The following RAD9A variants were observed in gnomAD, a reference collection of about 807,000 sequenced individuals.
RAD9A encodes cell cycle checkpoint control protein RAD9A.
Under a neutral mutation model 41.2 loss-of-function variants are expected in RAD9A, and 25 were observed. That is an observed-to-expected ratio of 0.61 (90% confidence interval 0.44 to 0.85). The LOEUF (loss-of-function observed/expected upper bound fraction) is 0.85, where lower values mean the gene tolerates loss of function less well. RAD9A is among the 40% of genes least tolerant of loss of function. The pLI is 0.00. For synonymous variants in RAD9A, 252 were observed against 210.6 expected (o/e 1.20, Z -1.70); for missense variants, 514 against 518.3 (o/e 0.99, Z 0.08).
Position 67,392,238 on chromosome 11 carries a change from G to A in RAD9A, c.105+7G>A, listed in dbSNP as rs1303241727. 4.4e-6 allele frequency: 7 copies of A among 1,585,128 alleles called. No individual in the cohort carries two copies. In the African/African-American group the frequency reaches 8.1e-5, roughly 18 times the overall value. On this transcript the variant is annotated splice_region_variant and intron_variant, in intron 2 of 10. Coordinates refer to ENST00000307980, the MANE Select transcript of RAD9A (RefSeq NM_004584.3). ...GGAACCCTTGGAGGACGGGGTGAGG[G>A]GCTAGGGTGTGGGGGGCGGGTGGGA...
chr11:67,392,618 CT>C lies in RAD9A; in HGVS notation c.106-35del, dbSNP rs1862558846. On this transcript the variant is annotated intron_variant, in intron 2 of 10. Coordinates refer to ENST00000307980, the MANE Select transcript of RAD9A (RefSeq NM_004584.3). ...AGAGGGCTGGGTCTGTGGCTGCCCCCTGACCACGTCCCTCTCCCTGCTCTTC... is the reference window on the plus strand; with the variant it reads ...AGAGGGCTGGGTCTGTGGCTGCCCCCGACCACGTCCCTCTCCCTGCTCTTC... 3.7e-6 allele frequency: 6 copies of C among 1,611,370 alleles called. No homozygotes were observed. The East Asian group carries it at 6.7e-5, about 18-fold the overall frequency.
Position 67,397,507 on chromosome 11 carries a change from C to A in RAD9A, c.1124C>A (p.Ser375Tyr), listed in dbSNP as rs1565119294. 4.3e-6 allele frequency: 7 copies of A among 1,611,392 alleles called. No individual in the cohort carries two copies. Among genetic ancestry groups the A allele is most frequent in the Non-Finnish European group, 5.9e-6 (7 of 1,178,328 alleles). Residue 375 changes from serine to tyrosine, a missense_variant, in exon 11 of 11, where the codon TCC (serine) becomes TAC (tyrosine). Ser to Tyr is a moderately radical substitution (Grantham distance 144, BLOSUM62 -2). This residue lies in a region of RAD9A where 216 missense variants were observed against 184.2 expected (regional missense o/e 1.17). Transcript: ENST00000307980. ...FFGSILAPVR[S>Y]PQGPSPVLAE... ...GGCTCCATCCTGGCCCCTGTACGCT[C>A]CCCCCAGGGCCCCAGCCCTGTGCTG...
rs1862750610 is a variant in RAD9A, at chr11:67,397,548, G to C, written c.1165G>C (p.Gly389Arg). Residue 389 changes from glycine (G) to arginine (R), a missense_variant, in exon 11 of 11, where the codon GGT becomes CGT. Transcript: ENST00000307980. Reference protein sequence around the residue: ...PSPVLAEDSEGEG With the variant: ...PSPVLAEDSEREG ...CCCTGTGCTGGCGGAAGACAGTGAG[G>C]GTGAAGGCTGAACCAAGAACCTGAA... 6.2e-7 allele frequency: 1 copy of C among 1,605,636 alleles called. No individual in the cohort carries two copies.
chr11:67,392,555 G>T, intron 2 of RAD9A, 99 bp from the exon 3 acceptor site: 1 of 1,486,236 alleles, frequency 6.7e-7, no homozygotes. Flanking sequence ...GTGGCGGAGC[G>T]GGAGGACGAT....
In RAD9A at chr11:67,393,600, T is replaced by C. The variant is rs1488749727; in HGVS notation, c.339T>C (p.His113=). ...GRSSRLVVQL[H]CKFGVRKTHN... ...GCAGCCGCCTGGTGGTCCAGCTGCA[T>C]TGCAAGTTCGGTGAGTGGGCAGCCG... Residue 113 remains histidine (H), a synonymous_variant, in exon 4 of 11, where the codon CAT becomes CAC. Coordinates refer to ENST00000307980, the MANE Select transcript of RAD9A (RefSeq NM_004584.3). 1.9e-6 allele frequency: 3 copies of C among 1,614,056 alleles called. No individual in the cohort carries two copies. Among genetic ancestry groups the C allele is most frequent in the East Asian group, 4.5e-5 (2 of 44,892 alleles).
chr11:67,396,728 TG>T (rs1862712302), intron 9 of RAD9A, among the ~76,000 whole-genome samples: 2 of 152,144 alleles, frequency 1.3e-5, no homozygotes, highest in Admixed American at 1.3e-4. Context: ...CTGCCTGGGC[TG>T]GGGGAAGCAG....
intron 9 of RAD9A, among the ~76,000 whole-genome samples, chr11:67,396,935 G>A (rs1410716398): frequency 6.6e-6 from 1 of 152,166 alleles, no homozygotes; most frequent in Non-Finnish European, 1.5e-5. Flanking sequence ...CTGAGCTAAG[G>A]TAGCCCCCGG....
At position 67,392,071 on chromosome 11, in the gene RAD9A, C is replaced by T; in HGVS notation, c.27C>T (p.Asn9=). ...TGAAGTGCCTGGTCACGGGCGGCAA[C>T]GTGAAGGGTGAGTGCAGGTCGGCCT... is the stretch of plus-strand genomic sequence containing the variant. The part of the protein sequence containing the change: MKCLVTGG[N]VKVLGKAVHS... The change falls in exon 1 of 11, where the codon AAC becomes AAT. Residue 9 remains asparagine, a synonymous_variant. Transcript: ENST00000307980. 1 of 1,589,878 alleles carries T rather than the reference C, an allele frequency of 6.3e-7. No homozygotes were observed. The highest frequency in any genetic ancestry group is 8.5e-7 in the Non-Finnish European group (1 of 1,169,772).
chr11:67,393,657 G>A (rs375977936), intron 4 of RAD9A, 34 bp from the exon 5 acceptor site: 16 of 1,612,812 alleles, frequency 9.9e-6, no homozygotes, highest in Admixed American at 1.7e-5. Context: ...CAGGGAGGTC[G>A]GCGAGGCCCA....
At chr11:67,392,258 G>GGGGGGGT in intron 2 of RAD9A, 27 bp downstream of exon 2, 4 of 1,319,216 alleles carry the variant, frequency 3.0e-6, no homozygotes, top group East Asian at 2.4e-5. Flanking sequence ...TGGGGGGCGG[G>GGGGGGGT]TGGGACTCCA....
intron 3 of RAD9A, chr11:67,393,131 T>G (rs1469901374): frequency 9.7e-6 from 4 of 411,792 alleles, no homozygotes; most frequent in African/African-American, 6.2e-5. Flanking sequence ...AATACAAAAA[T>G]TAGCTGGGCG....
In RAD9A at chr11:67,396,371, C is replaced by G. The variant is rs1862695858; in HGVS notation, c.843C>G (p.His281Gln). 1.9e-6 allele frequency: 3 copies of G among 1,613,976 alleles called. No homozygotes were observed. In the Middle Eastern group the frequency reaches 4.9e-4, roughly 266 times the overall value. ...HSQDLGSPER[H>Q]QPVPQLQAHS... ...AGGACCTGGGCTCCCCAGAGCGTCACCAGCCAGTGCCTCAGCTCCAGGCTC... is the reference window on the plus strand; with the variant it reads ...AGGACCTGGGCTCCCCAGAGCGTCAGCAGCCAGTGCCTCAGCTCCAGGCTC... The change falls in exon 9 of 11, where the codon CAC (histidine) becomes CAG (glutamine). Residue 281 changes from histidine to glutamine, a missense_variant. His to Gln is a conservative substitution (Grantham distance 24). Around this residue, in one of 3 missense-constraint regions of RAD9A, gnomAD observed 216 missense variants for 184.2 expected, o/e 1.17. Coordinates refer to ENST00000307980, the MANE Select transcript of RAD9A (RefSeq NM_004584.3).
chr11:67,392,248 T>TGGGGGGG lies in RAD9A; in HGVS notation c.105+23_105+24insGGGGGGG, dbSNP rs1300127082. Reference sequence around the variant, plus strand: ...GAGGACGGGGTGAGGGGCTAGGGTGTGGGGGGCGGGTGGGACTCCAGCCGG... The same window carrying TGGGGGGG: ...GAGGACGGGGTGAGGGGCTAGGGTGTGGGGGGGGGGGGGCGGGTGGGACTCCAGCCGG... On this transcript the variant is annotated intron_variant, in intron 2 of 10. Transcript: ENST00000307980. The TGGGGGGG allele has an allele frequency of 2.0e-4, 64 of 321,524 alleles. No homozygotes were observed. The highest frequency in any genetic ancestry group is 4.5e-4 in the Middle Eastern group (1 of 2,198). 19.9% of individuals were successfully genotyped at this position (321,524 alleles called of 1,614,324 possible). A position where few individuals can be genotyped will look rare whatever the true frequency, so the allele number is the denominator to read the frequency against.
chr11:67,396,507 C>A, intron 9 of RAD9A, 107 bp downstream of exon 9: 1 of 1,380,706 alleles, frequency 7.2e-7, no homozygotes, highest in Non-Finnish European at 9.9e-7. Context: ...CTCTCCCGCC[C>A]CTTCTCTTTC....
At chr11:67,393,277 C>G in intron 3 of RAD9A, 1 of 1,111,898 alleles carries the variant, frequency 9.0e-7, no homozygotes, top group Non-Finnish European at 1.1e-6. Flanking sequence ...GAGACTCCAT[C>G]TCAAAAAAAA....
intron 5 of RAD9A, 141 bp downstream of exon 5, chr11:67,393,931 A>G: frequency 2.7e-6 from 2 of 746,716 alleles, no homozygotes; most frequent in Non-Finnish European, 2.1e-6. Flanking sequence ...ATGGCCCGCT[A>G]TGTGCTCAGG....
In RAD9A at chr11:67,396,193, GAC is replaced by G; in HGVS notation, c.734+20_734+21del. 6.2e-7 allele frequency: 1 copy of G among 1,614,032 alleles called. No individual in the cohort carries two copies. Among genetic ancestry groups the G allele is most frequent in the African/African-American group, 1.3e-5 (1 of 75,030 alleles). ...CCAGGCAGGTAGTTCCCAGCCTTGG[GAC>G]AGGGAAGGGCTCTGGGATGGCAGGA... On this transcript the variant is annotated intron_variant, in intron 8 of 10. Transcript: ENST00000307980.
chr11:67,397,510 C>T lies in RAD9A; in HGVS notation c.1127C>T (p.Pro376Leu). Reference sequence around the variant, plus strand: ...TCCATCCTGGCCCCTGTACGCTCCCCCCAGGGCCCCAGCCCTGTGCTGGCG... The same window carrying T: ...TCCATCCTGGCCCCTGTACGCTCCCTCCAGGGCCCCAGCCCTGTGCTGGCG... ...FGSILAPVRS[P>L]QGPSPVLAED... is the part of the protein sequence containing the mutation. Residue 376 changes from proline (P) to leucine (L), a missense_variant, in exon 11 of 11, where the codon CCC (proline) becomes CTC (leucine). Transcript: ENST00000307980. 6 of 1,612,312 alleles carry T rather than the reference C, an allele frequency of 3.7e-6. No individual in the cohort carries two copies. The highest frequency in any genetic ancestry group is 5.1e-6 in the Non-Finnish European group (6 of 1,179,078).
In RAD9A at chr11:67,396,195, C is replaced by T; in HGVS notation, c.734+20C>T. The T allele has an allele frequency of 6.2e-7, 1 of 1,614,000 alleles. No homozygotes were observed. Among genetic ancestry groups the T allele is most frequent in the Non-Finnish European group, 8.5e-7 (1 of 1,179,854 alleles). ...AGGCAGGTAGTTCCCAGCCTTGGGACAGGGAAGGGCTCTGGGATGGCAGGA... is the reference window on the plus strand; with the variant it reads ...AGGCAGGTAGTTCCCAGCCTTGGGATAGGGAAGGGCTCTGGGATGGCAGGA... On this transcript the variant is annotated intron_variant, in intron 8 of 10. Transcript: ENST00000307980.
Sources: gnomAD v4.1 joint callset for allele counts (sites outside exome capture counted in the v4.1 genomes callset) on GRCh38, gnomAD v4.1.1 for gene constraint, gnomAD v4.1.1 regional missense constraint, MANE v1.5 for transcripts, NCBI Gene and HGNC (gene_info 2026-07-23, HGNC 2026-07-21) for gene names.